The following NDRG1 variants were observed in gnomAD, a reference collection of about 807,000 sequenced individuals.
NDRG1 encodes protein NDRG1.
In NDRG1, 32 loss-of-function variants were observed where a neutral mutation model predicts 56.9. The ratio of observed to expected loss-of-function variants is 0.56; its 90% CI spans 0.42 to 0.76. The LOEUF is 0.76. Among genes scored for constraint, NDRG1 ranks in the 30% least tolerant of loss-of-function variants. NDRG1 has a pLI of 0.00. For synonymous variants in NDRG1, 211 were observed against 204.1 expected, an observed-to-expected ratio of 1.03 and a Z score of -0.29; for missense variants, 507 against 545.7, an observed-to-expected ratio of 0.93 and a Z score of 0.71.
intron 12 of NDRG1, among the ~76,000 whole-genome samples, chr8:133,246,879 T>A (rs752673800): frequency 2.6e-5 from 4 of 152,270 alleles, no homozygotes; most frequent in Admixed American, 6.5e-5. Context: ...ATTTAACTTC[T>A]TTGGGCCTCA....
At chr8:133,246,568 G>A in intron 13 of NDRG1, 48 bp downstream of exon 13, 1 of 1,595,214 alleles carries the variant, frequency 6.3e-7, no homozygotes, top group Non-Finnish European at 8.6e-7. Flanking sequence ...AAACGTCTGA[G>A]AGTTTCTAAG....
chr8:133,288,718 A>G (rs1858268156), intron 1 of NDRG1, among the ~76,000 whole-genome samples: 1 of 152,174 alleles, frequency 6.6e-6, no homozygotes, highest in South Asian at 2.1e-4. Context: ...TGGCGGGGGA[A>G]CCAGGGCTGA....
chr8:133,260,008 C>A (rs960031153), intron 5 of NDRG1, among the ~76,000 whole-genome samples: 1 of 152,162 alleles, frequency 6.6e-6, no homozygotes, highest in African/African-American at 2.4e-5. Flanking sequence ...GGTGTGGCTC[C>A]ACATCAACAG....
rs775475505 is a variant in NDRG1, at chr8:133,264,655, G to A, written c.100-3C>T. On this transcript the variant is annotated splice_polypyrimidine_tract_variant and splice_region_variant and intron_variant, in intron 3 of 15. Coordinates refer to ENST00000323851, the MANE Select transcript of NDRG1 (RefSeq NM_006096.4). ...TGTAAAGTCTCGATGTCCTGCTCCT[G>A]AGGAGACACAGCAGACAGTGGGCTG... The A allele has an allele frequency of 1.1e-5, 17 of 1,613,496 alleles. No individual in the cohort carries two copies. Among genetic ancestry groups the A allele is most frequent in the Middle Eastern group, 1.6e-4 (1 of 6,084 alleles).
intron 1 of NDRG1, among the ~76,000 whole-genome samples, chr8:133,293,253 G>A (rs973794425): frequency 6.6e-6 from 1 of 152,204 alleles, no homozygotes; most frequent in African/African-American, 2.4e-5. Context: ...CTATCTCCAA[G>A]TTGAAAGATA....
chr8:133,258,545 G>A (rs913030449), intron 6 of NDRG1, 119 bp from the exon 7 acceptor site: 71 of 938,952 alleles, frequency 7.6e-5, no homozygotes, highest in Admixed American at 3.8e-4. Flanking sequence ...GCATGCTGCC[G>A]TAACTGCCTG....
intron 1 of NDRG1, among the ~76,000 whole-genome samples, chr8:133,293,016 G>A (rs761982158): frequency 2.6e-5 from 4 of 152,196 alleles, no homozygotes; most frequent in African/African-American, 4.8e-5. Context: ...TTATGGCCCC[G>A]ATTGTGTAAT....
At chr8:133,259,303 A>G (rs983117279) in intron 5 of NDRG1, 73 bp from the exon 6 acceptor site, 1 of 1,477,658 alleles carries the variant, frequency 6.8e-7, no homozygotes. Context: ...GACACGCTTG[A>G]AGGGTGGGGA....
At chr8:133,246,518 G>GT in intron 13 of NDRG1, 98 bp downstream of exon 13, 1 of 1,194,702 alleles carries the variant, frequency 8.4e-7, no homozygotes, top group Non-Finnish European at 1.3e-6. Context: ...GTTTCTGATC[G>GT]TGTGCCTTGC....
rs1027947917 is a variant in NDRG1, at chr8:133,238,384, T to A, written c.*494A>T. 1 of 239,212 alleles carries A rather than the reference T, an allele frequency of 4.2e-6. No homozygotes were observed. Among genetic ancestry groups the A allele is most frequent in the Non-Finnish European group, 8.2e-6 (1 of 122,344 alleles). 14.8% of individuals were successfully genotyped at this position (239,212 alleles called of 1,614,324 possible). On this transcript the variant is annotated 3_prime_UTR_variant, in exon 16 of 16. Transcript: ENST00000323851. ...TCCTGTTTTGCCTGTTTAAAAGAGG[T>A]GCCTGCATGTCACTATTACCCCCCT...
chr8:133,252,633 T>C (rs1275746201), intron 9 of NDRG1, among the ~76,000 whole-genome samples: 10 of 91,874 alleles, frequency 1.1e-4, no homozygotes, highest in East Asian at 3.3e-4. Flanking sequence ...GGCCTCTGTT[T>C]CCCTCGTACA....
At chr8:133,289,096 T>C (rs558141324) in intron 1 of NDRG1, among the ~76,000 whole-genome samples, 3 of 152,316 alleles carry the variant, frequency 2.0e-5, no homozygotes, top group African/African-American at 4.8e-5. Context: ...TCTTGTTTTT[T>C]AGAGAGACAG....
chr8:133,250,406 A>G, intron 10 of NDRG1, 34 bp downstream of exon 10: 1 of 1,555,114 alleles, frequency 6.4e-7, no homozygotes, highest in Non-Finnish European at 8.9e-7. Context: ...CACCTCATAA[A>G]TAGCAATGAT....
At chr8:133,269,108 G>A (rs1394041944) in intron 3 of NDRG1, among the ~76,000 whole-genome samples, 1 of 152,192 alleles carries the variant, frequency 6.6e-6, no homozygotes, top group African/African-American at 2.4e-5. Flanking sequence ...TTTTCCCAAA[G>A]AGAAAGCACA....
chr8:133,284,638 C>G (rs1858000405), intron 1 of NDRG1: 1 of 468,170 alleles, frequency 2.1e-6, no homozygotes, highest in Admixed American at 2.8e-5. Context: ...TTCAGGCCCA[C>G]CCACCATACC....
intron 7 of NDRG1, 108 bp downstream of exon 7, chr8:133,258,258 A>C: frequency 9.0e-7 from 1 of 1,107,916 alleles, no homozygotes; most frequent in Non-Finnish European, 1.3e-6. Flanking sequence ...TGTGGAGAAT[A>C]CGGGTCATTT....
At position 133,246,653 on chromosome 8, in the gene NDRG1, T is replaced by C. The variant is rs1359676272; in HGVS notation, c.818A>G (p.Asn273Ser). Residue 273 changes from asparagine to serine, a missense_variant, in exon 13 of 16, where the codon AAC (asparagine) becomes AGC (serine). By Grantham distance (46) the Asn-to-Ser change is conservative. Coordinates refer to ENST00000323851, the MANE Select transcript of NDRG1 (RefSeq NM_006096.4). The stretch of plus-strand genomic sequence containing the variant: ...GGTCTTTGTTGGGTCCAATTTTGAG[T>C]TGCACTCCACCTGCACAAGAGGGAG... The part of the protein sequence containing the change: ...SPAVDAVVEC[N>S]SKLDPTKTTL... 1.2e-6 allele frequency: 2 copies of C among 1,614,138 alleles called. No individual in the cohort carries two copies. Among genetic ancestry groups the C allele is most frequent in the South Asian group, 1.1e-5 (1 of 91,080 alleles).
intron 9 of NDRG1, among the ~76,000 whole-genome samples, chr8:133,253,123 C>T (rs1856164695): frequency 6.6e-6 from 1 of 152,226 alleles, no homozygotes; most frequent in Non-Finnish European, 1.5e-5. Flanking sequence ...TGCAACCAAG[C>T]CCATGGCATA....
chr8:133,265,000 G>A (rs954306511), intron 3 of NDRG1: 2 of 361,782 alleles, frequency 5.5e-6, no homozygotes, highest in South Asian at 2.4e-5. Context: ...CTTGCCCTCA[G>A]GCCCCACTGG....
Sources: allele counts gnomAD v4.1 joint callset (sites outside exome capture counted in the v4.1 genomes callset), GRCh38; gene constraint gnomAD v4.1.1; transcripts MANE v1.5; gene names NCBI Gene and HGNC (gene_info 2026-07-23, HGNC 2026-07-21).